Variants in HCN1 observed in about 807,000 individuals in gnomAD.
The protein encoded by HCN1 is potassium/sodium hyperpolarization-activated cyclic nucleotide-gated channel 1.
In HCN1, 13 loss-of-function variants were observed where a neutral mutation model predicts 78.9. The observed-to-expected ratio is 0.16, with a 90% confidence interval of 0.11 to 0.26. The LOEUF (loss-of-function observed/expected upper bound fraction) is 0.26, where lower values mean the gene tolerates loss of function less well. HCN1 is among the 10% of genes least tolerant of loss of function. The pLI is 1.00. For synonymous variants in HCN1, 552 were observed against 455.5 expected (o/e 1.21, Z -2.70); for missense variants, 810 against 1,154.3 (o/e 0.70, Z 4.32).
intron 3 of HCN1, among the ~76,000 whole-genome samples, chr5:45,434,159 C>T (rs892735973): frequency 1.3e-5 from 2 of 152,192 alleles, no homozygotes; most frequent in African/African-American, 2.4e-5. Flanking sequence ...TTTTAAGTTG[C>T]TTCTGAAGAA....
intron 3 of HCN1, among the ~76,000 whole-genome samples, chr5:45,418,593 C>A (rs1740163635): frequency 6.6e-6 from 1 of 151,850 alleles, no homozygotes. Context: ...GGCTGGCAAA[C>A]CCATGAGGAG....
chr5:45,664,048 G>T (rs1745979588), intron 1 of HCN1, among the ~76,000 whole-genome samples: 1 of 133,462 alleles, frequency 7.5e-6, no homozygotes. Context: ...GCAAAGACTT[G>T]GAACCAACCC....
rs142754622 is a variant in HCN1, at chr5:45,445,249, G to A, written c.1011+16597C>T. ...GGAGATTATATCCCGCACCTGGCTC[G>A]GAGGGTCCTACGCCCAGGTAGTCTC... On this transcript the variant is annotated intron_variant, in intron 3 of 7. Coordinates refer to ENST00000303230, the MANE Select transcript of HCN1 (RefSeq NM_021072.4). 8.3e-3 allele frequency among the ~76,000 whole-genome samples: 1,268 copies of A among 152,196 alleles called. 62 individuals carry two copies. The highest frequency in any genetic ancestry group is 0.069 in the Admixed American group (1,049 of 15,292).
intron 1 of HCN1, among the ~76,000 whole-genome samples, chr5:45,657,909 C>A (rs1745807183): frequency 6.6e-6 from 1 of 152,074 alleles, no homozygotes. Flanking sequence ...TCATATGGAA[C>A]CAAAAAAGAG....
intron 3 of HCN1, among the ~76,000 whole-genome samples, chr5:45,401,734 A>T (rs1373144628): frequency 6.6e-6 from 1 of 150,858 alleles, no homozygotes; most frequent in Non-Finnish European, 1.5e-5. Context: ...GTGCCAGTAT[A>T]TAACTTTTAG....
chr5:45,593,313 CTCTCTCTCCCT>C (rs746876592), intron 2 of HCN1, among the ~76,000 whole-genome samples: 7 of 120,274 alleles, frequency 5.8e-5, no homozygotes, highest in Non-Finnish European at 9.8e-5. Context: ...CTCTCTCTCT[CTCTCTCTCCCT>C]CTCTCTCTCT....
intron 4 of HCN1, among the ~76,000 whole-genome samples, chr5:45,376,343 T>TAG (rs1275410420): frequency 2.1e-4 from 3 of 13,968 alleles, no homozygotes; most frequent in African/African-American, 7.8e-4. Flanking sequence ...ATATATTATA[T>TAG]ATATATAGAG....
intron 5 of HCN1, among the ~76,000 whole-genome samples, chr5:45,311,216 T>G (rs563855288): frequency 6.6e-6 from 1 of 152,306 alleles, no homozygotes; most frequent in South Asian, 2.1e-4. Flanking sequence ...AAATATATAT[T>G]CATTTATTAA....
intron 6 of HCN1, among the ~76,000 whole-genome samples, chr5:45,294,747 A>T (rs906759803): frequency 1.3e-5 from 2 of 152,072 alleles, no homozygotes; most frequent in Non-Finnish European, 2.9e-5. Flanking sequence ...ATATGAATAG[A>T]TTACAAAACA....
intron 2 of HCN1, among the ~76,000 whole-genome samples, chr5:45,478,308 T>G (rs908841020): frequency 1.3e-5 from 2 of 152,220 alleles, no homozygotes; most frequent in African/African-American, 4.8e-5. Context: ...TGAAGAAGTT[T>G]ACATTCTATT....
chr5:45,612,438 TA>T (rs1187926318), intron 2 of HCN1, among the ~76,000 whole-genome samples: 1 of 152,186 alleles, frequency 6.6e-6, no homozygotes, highest in East Asian at 1.9e-4. Flanking sequence ...AGCACATTTA[TA>T]ATGACAGCCA....
At chr5:45,652,341 C>T (rs1344188346) in intron 1 of HCN1, among the ~76,000 whole-genome samples, 1 of 151,888 alleles carries the variant, frequency 6.6e-6, no homozygotes, top group Admixed American at 6.6e-5. Context: ...ATTTCTATGA[C>T]TCTACATTAT....
chr5:45,589,838 C>CAG lies in HCN1; in HGVS notation c.849+55345_849+55346dup, dbSNP rs1273751989. The stretch of plus-strand genomic sequence containing the variant: ...TAATTAAGTTCCTTTAATAATGTGA[C>CAG]AGTTAGACAAGTTGTCTAAAGGTGA... On this transcript the variant is annotated intron_variant, in intron 2 of 7. Coordinates refer to ENST00000303230, the MANE Select transcript of HCN1 (RefSeq NM_021072.4). Among the ~76,000 whole-genome samples, 7 of 152,220 alleles carry CAG rather than the reference C, an allele frequency of 4.6e-5. No homozygotes were observed. The East Asian group carries it at 1.4e-3, about 29-fold the overall frequency.
At chr5:45,414,680 T>G (rs1347229277) in intron 3 of HCN1, among the ~76,000 whole-genome samples, 1 of 151,980 alleles carries the variant, frequency 6.6e-6, no homozygotes, top group Non-Finnish European at 1.5e-5. Flanking sequence ...GCCTGGAGAG[T>G]GCATACTTAT....
chr5:45,277,919 A>C (rs548787560), intron 6 of HCN1, among the ~76,000 whole-genome samples: 111 of 152,264 alleles, frequency 7.3e-4, no homozygotes, highest in Non-Finnish European at 1.3e-3. Context: ...ATAAATCCCC[A>C]AAGTGGTGTT....
At chr5:45,552,628 C>T (rs1743391320) in intron 2 of HCN1, among the ~76,000 whole-genome samples, 1 of 151,760 alleles carries the variant, frequency 6.6e-6, no homozygotes, top group South Asian at 2.1e-4. Flanking sequence ...GAGCTTTTTG[C>T]TTTTAAAGAG....
intron 2 of HCN1, among the ~76,000 whole-genome samples, chr5:45,581,896 C>T (rs1426804462): frequency 1.3e-5 from 2 of 152,112 alleles, no homozygotes; most frequent in Non-Finnish European, 2.9e-5. Context: ...GCTTTGGTAC[C>T]AGCACCATGC....
intron 5 of HCN1, among the ~76,000 whole-genome samples, chr5:45,311,420 A>G (rs1034328859): frequency 1.3e-5 from 2 of 152,180 alleles, no homozygotes; most frequent in African/African-American, 4.8e-5. Context: ...TACTTTTGCA[A>G]TCAGCTTATA....
chr5:45,383,171 C>T lies in HCN1; in HGVS notation c.1230+13321G>A, dbSNP rs1747842736. Among the ~76,000 whole-genome samples the T allele has an allele frequency of 2.0e-5, 3 of 152,050 alleles. No individual in the cohort carries two copies. The South Asian group carries it at 6.2e-4, about 31-fold the overall frequency. On this transcript the variant is annotated intron_variant, in intron 4 of 7. Coordinates refer to ENST00000303230, the MANE Select transcript of HCN1 (RefSeq NM_021072.4). Reference sequence around the variant, plus strand: ...GGATTTAACATTTTTCAGTGTGATGCTATCGTCTATGCATTTTCTACTATA... The same window carrying T: ...GGATTTAACATTTTTCAGTGTGATGTTATCGTCTATGCATTTTCTACTATA...
Sources: gnomAD v4.1 joint callset for allele counts (sites outside exome capture counted in the v4.1 genomes callset) on GRCh38, gnomAD v4.1.1 for gene constraint, MANE v1.5 for transcripts, NCBI Gene and HGNC (gene_info 2026-07-23, HGNC 2026-07-21) for gene names.